LRCH3: variants seen among roughly 807,000 people sequenced by gnomAD.
LRCH3 encodes the protein leucine rich repeats and calponin homology domain containing 3.
Under a neutral mutation model 104.5 loss-of-function variants are expected in LRCH3, and 68 were observed. That is an observed-to-expected ratio of 0.65 (90% CI 0.54 to 0.80). LRCH3 has a LOEUF of 0.80. Ranked by LOEUF, LRCH3 falls within the 30% of genes least tolerant of loss-of-function variation. LRCH3 has a pLI of 0.00. For missense variants in LRCH3, 951 were observed against 953.9 expected, an observed-to-expected ratio of 1.00 and a Z score of 0.04; for synonymous variants, 344 against 361.3, an observed-to-expected ratio of 0.95 and a Z score of 0.54.
At chr3:197,836,036 G>T (rs1160632314) in intron 9 of LRCH3, among the ~76,000 whole-genome samples, 2 of 152,142 alleles carry the variant, frequency 1.3e-5, no homozygotes, top group Non-Finnish European at 2.9e-5. Flanking sequence ...CAAACAAGAA[G>T]AAAGATTTCA....
chr3:197,825,306 GC>G (rs1735023048), intron 4 of LRCH3, among the ~76,000 whole-genome samples: 1 of 149,548 alleles, frequency 6.7e-6, no homozygotes, highest in Admixed American at 6.7e-5. Flanking sequence ...TACTTGGTGG[GC>G]CCCTTTCCAA....
intron 1 of LRCH3, among the ~76,000 whole-genome samples, chr3:197,812,504 GTTTTTTTT>G (rs71623380): frequency 0.017 from 810 of 48,984 alleles, 61 homozygotes; most frequent in African/African-American, 0.059. Flanking sequence ...TCTGCTTTCA[GTTTTTTTT>G]TTTTTTTTTT....
chr3:197,817,552 C>G (rs939153525), intron 3 of LRCH3, among the ~76,000 whole-genome samples: 25 of 151,210 alleles, frequency 1.7e-4, no homozygotes, highest in African/African-American at 6.1e-4. Context: ...AAGTACAAGC[C>G]TAATTGGCCC....
intron 4 of LRCH3, among the ~76,000 whole-genome samples, chr3:197,824,857 A>G (rs371595916): frequency 6.6e-6 from 1 of 151,214 alleles, no homozygotes; most frequent in Admixed American, 6.6e-5. Context: ...GGCGTGAGCC[A>G]CTGCACCTGG....
intron 20 of LRCH3, chr3:197,880,621 G>C (rs1713673482): frequency 7.2e-6 from 11 of 1,536,746 alleles, no homozygotes; most frequent in East Asian, 2.4e-5. Flanking sequence ...AGTTTTGTCT[G>C]TCTCTCTCTG....
At position 197,829,680 on chromosome 3, in the gene LRCH3, A is replaced by G. The variant is rs773473587; in HGVS notation, c.887+7A>G. ...CGTTGGGTTTTGGCTCCTGGTAAGT[A>G]TATTCTGTCCCTTTATCTATCATAT... On this transcript the variant is annotated splice_region_variant and intron_variant, in intron 6 of 20. Coordinates refer to ENST00000425562, the MANE Select transcript of LRCH3 (RefSeq NM_001365715.1). 7 of 1,563,592 alleles carry G rather than the reference A, an allele frequency of 4.5e-6. No individual in the cohort carries two copies. Among genetic ancestry groups the G allele is most frequent in the African/African-American group, 1.4e-5 (1 of 73,312 alleles).
Position 197,791,512 on chromosome 3 carries a change from C to T in LRCH3, c.234C>T (p.Asn78=). 5.0e-6 allele frequency: 8 copies of T among 1,597,962 alleles called. No homozygotes were observed. The highest frequency in any genetic ancestry group is 6.0e-6 in the Non-Finnish European group (7 of 1,174,270). Residue 78 remains asparagine, a synonymous_variant, in exon 1 of 21, where the codon AAC becomes AAT. Coordinates refer to ENST00000425562, the MANE Select transcript of LRCH3 (RefSeq NM_001365715.1). ...GGGAGTTTCCCCGGGGAGCGGCCAA[C>T]CACGACCTGACGGACACCACCCGGG... The part of the protein sequence containing the change: ...KLREFPRGAA[N]HDLTDTTRAD...
intron 19 of LRCH3, among the ~76,000 whole-genome samples, chr3:197,873,053 A>G (rs1712418754): frequency 6.6e-6 from 1 of 152,130 alleles, no homozygotes; most frequent in Admixed American, 6.6e-5. Flanking sequence ...ATTCAGGATA[A>G]CTGGCAGGTT....
intron 15 of LRCH3, chr3:197,859,212 T>C: frequency 9.9e-6 from 3 of 301,524 alleles, no homozygotes. Flanking sequence ...TAATATTGAA[T>C]TAACTCTGTT....
At position 197,871,375 on chromosome 3, in the gene LRCH3, TCTAA is replaced by T. The variant is rs756631778; in HGVS notation, c.2046_2049del (p.Asp684ValfsTer29). On this transcript the variant is annotated frameshift_variant, in exon 19 of 21. Coordinates refer to ENST00000425562, the MANE Select transcript of LRCH3 (RefSeq NM_001365715.1). LOFTEE classifies it high-confidence loss of function. ...CTCTACCTTGTGATCTCGGAGCAGC[TCTAA>T]CTGACGGTGTTGTTCTTTGCCATTT... 30 of 1,614,212 alleles carry T rather than the reference TCTAA, an allele frequency of 1.9e-5. No individual in the cohort carries two copies. The highest frequency in any genetic ancestry group is 2.2e-5 in the Non-Finnish European group (26 of 1,180,026).
rs199976723 is a variant in LRCH3 at position 197,871,296 on chromosome 3, A to G, written c.1993-29A>G. ...CCTATATGTCAGTCTTTCTTCAATT[A>G]ATCTATTACATGTTTTTTGTTCTTT... On this transcript the variant is annotated intron_variant, in intron 18 of 20. Transcript: ENST00000425562. The G allele has an allele frequency of 6.0e-5, 93 of 1,551,714 alleles. 1 individual carries two copies. The African/African-American group carries it at 1.1e-3, about 19-fold the overall frequency.
At position 197,835,733 on chromosome 3, in the gene LRCH3, G is replaced by A; in HGVS notation, c.1162G>A (p.Ala388Thr). The A allele has an allele frequency of 2.5e-6, 4 of 1,613,990 alleles. No individual in the cohort carries two copies. Among genetic ancestry groups the A allele is most frequent in the Non-Finnish European group, 2.5e-6 (3 of 1,179,996 alleles). The change falls in exon 9 of 21, where the codon GCC (alanine) becomes ACC (threonine). Residue 388 changes from alanine (A) to threonine (T), a missense_variant. Ala to Thr is a moderately conservative substitution (Grantham distance 58). Transcript: ENST00000425562. The part of the protein sequence containing the change: ...IDSCTAEEEE[A>T]EVRQPKGPDP... ...CAGCTGCACCGCAGAGGAAGAGGAG[G>A]CCGAGGTGAGACAGCCCAAGGGACC...
At chr3:197,864,469 G>A (rs1224257413) in intron 15 of LRCH3, among the ~76,000 whole-genome samples, 1 of 148,920 alleles carries the variant, frequency 6.7e-6, no homozygotes, top group African/African-American at 2.6e-5. Context: ...AATTAGCTGG[G>A]TATGGTGGTG....
intron 20 of LRCH3, among the ~76,000 whole-genome samples, chr3:197,877,717 T>TA (rs773029636): frequency 2.0e-5 from 3 of 152,200 alleles, no homozygotes; most frequent in Admixed American, 6.5e-5. Flanking sequence ...GTTTTTCTCT[T>TA]ATGAAAGTAG....
At chr3:197,799,099 GA>G (rs1731590588) in intron 1 of LRCH3, among the ~76,000 whole-genome samples, 1 of 152,212 alleles carries the variant, frequency 6.6e-6, no homozygotes, top group Non-Finnish European at 1.5e-5. Flanking sequence ...GAGGACCACT[GA>G]ACCAGTTTTG....
chr3:197,868,544 G>A (rs73892157), intron 17 of LRCH3, among the ~76,000 whole-genome samples: 3,827 of 152,180 alleles, frequency 0.025, 156 homozygotes, highest in African/African-American at 0.086. Flanking sequence ...CCAACAACGT[G>A]TACAAAAATA....
intron 1 of LRCH3, among the ~76,000 whole-genome samples, chr3:197,796,137 T>G (rs1003026036): frequency 1.7e-4 from 26 of 152,306 alleles, no homozygotes; most frequent in African/African-American, 6.3e-4. Context: ...AGATAGCCAA[T>G]AGCTTTAGAG....
intron 3 of LRCH3, 42 bp from the exon 4 acceptor site, chr3:197,820,283 G>T: frequency 7.2e-7 from 1 of 1,390,412 alleles, no homozygotes; most frequent in Non-Finnish European, 1.0e-6. Context: ...AGACAAGTTT[G>T]TAATGTTAGG....
In LRCH3 at chr3:197,883,473, C is replaced by T; in HGVS notation, c.2209-68C>T. 5 of 1,475,550 alleles carry T rather than the reference C, an allele frequency of 3.4e-6. No homozygotes were observed. The highest frequency in any genetic ancestry group is 2.6e-5 in the South Asian group (2 of 75,716). 91.4% of individuals were successfully genotyped at this position (1,475,550 alleles called of 1,614,324 possible). A position where few individuals can be genotyped will look rare whatever the true frequency, so the allele number is the denominator to read the frequency against. On this transcript the variant is annotated intron_variant, in intron 20 of 20. Coordinates refer to ENST00000425562, the MANE Select transcript of LRCH3 (RefSeq NM_001365715.1). The surrounding 1 kb of genome is among the most constrained non-coding windows in gnomAD (Gnocchi z 4.2). ...GAAGGGGAGAAGTGCTTATTTTTTCCTTTCAGTTCTATGATATTCATCCGA... is the reference window on the plus strand; with the variant it reads ...GAAGGGGAGAAGTGCTTATTTTTTCTTTTCAGTTCTATGATATTCATCCGA...
Sources: allele counts gnomAD v4.1 joint callset (sites outside exome capture counted in the v4.1 genomes callset), GRCh38; gene constraint gnomAD v4.1.1; non-coding constraint Gnocchi (gnomAD v3.1); transcripts MANE v1.5; gene names NCBI Gene and HGNC (gene_info 2026-07-23, HGNC 2026-07-21).